The following SLC24A2 variants were observed in gnomAD, a reference collection of about 807,000 sequenced individuals.
The protein encoded by SLC24A2 is sodium/potassium/calcium exchanger 2.
Under a neutral mutation model 62.0 loss-of-function variants are expected in SLC24A2, and 36 were observed. That is an observed-to-expected ratio of 0.58 (90% CI 0.44 to 0.77). SLC24A2 has a LOEUF of 0.77. Ranked by LOEUF, SLC24A2 falls within the 30% of genes least tolerant of loss-of-function variation. The pLI is 0.00. For synonymous variants in SLC24A2, 358 were observed against 294.0 expected (o/e 1.22, Z -2.23); for missense variants, 846 against 817.9 (o/e 1.03, Z -0.42).
At chr9:20,003,280 C>G in the SLC24A2 span, among the ~76,000 whole-genome samples, 2 of 152,188 alleles carry the variant, frequency 1.3e-5, no homozygotes, top group African/African-American at 2.4e-5. Flanking sequence ...TCTAATCCAG[C>G]AATTAGCCAC....
At chr9:19,526,094 G>A in intron 9 of SLC24A2, among the ~76,000 whole-genome samples, 1 of 152,034 alleles carries the variant, frequency 6.6e-6, no homozygotes, top group East Asian at 1.9e-4. Context: ...TCATATAAAT[G>A]AAATCATATG....
At chr9:19,676,214 C>T (rs1393357090) in intron 2 of SLC24A2, among the ~76,000 whole-genome samples, 2 of 152,192 alleles carry the variant, frequency 1.3e-5, no homozygotes, top group Non-Finnish European at 2.9e-5. Flanking sequence ...CAGGCACTCA[C>T]AGTTTTTTGG....
chr9:20,005,066 G>C, the SLC24A2 span, among the ~76,000 whole-genome samples: 1 of 152,104 alleles, frequency 6.6e-6, no homozygotes, highest in Non-Finnish European at 1.5e-5. Context: ...GTTATGCTAT[G>C]TCCAAATATG....
the SLC24A2 span, among the ~76,000 whole-genome samples, chr9:19,986,331 T>C: frequency 1.3e-5 from 2 of 152,114 alleles, no homozygotes; most frequent in Admixed American, 6.5e-5. Context: ...GGGAATAATG[T>C]ACAAACCAAT....
chr9:20,096,025 T>C, the SLC24A2 span, among the ~76,000 whole-genome samples: 172 of 152,226 alleles, frequency 1.1e-3, no homozygotes, highest in African/African-American at 3.6e-3. Flanking sequence ...GGAGCTACAA[T>C]TGAAGATGAG....
chr9:19,616,358 A>T (rs1379010962), intron 4 of SLC24A2, among the ~76,000 whole-genome samples: 1 of 152,130 alleles, frequency 6.6e-6, no homozygotes, highest in East Asian at 1.9e-4. Flanking sequence ...TATTTTCCTG[A>T]TTTTACAGAT....
chr9:19,716,491 T>C lies in SLC24A2; in HGVS notation c.930+69446A>G, dbSNP rs1820864111. ...ATGTATGAAGGCTTTCAGTAAATTT[T>C]GTTTGCAGTGACATTCTCCTGTGAT... On this transcript the variant is annotated intron_variant, in intron 2 of 10. Coordinates refer to ENST00000341998, the MANE Select transcript of SLC24A2 (RefSeq NM_020344.4). Among the ~76,000 whole-genome samples the C allele has an allele frequency of 4.6e-5, 7 of 152,348 alleles. 1 individual carries two copies. In the South Asian group the frequency reaches 1.4e-3, roughly 32 times the overall value.
At chr9:19,581,923 C>A (rs557594820) in intron 5 of SLC24A2, among the ~76,000 whole-genome samples, 1 of 152,246 alleles carries the variant, frequency 6.6e-6, no homozygotes, top group South Asian at 2.1e-4. Context: ...CTCTTGTGGT[C>A]TAAACCCTTA....
chr9:19,941,384 G>A, the SLC24A2 span, among the ~76,000 whole-genome samples: 46,578 of 151,924 alleles, frequency 0.31, 7,741 homozygotes, highest in South Asian at 0.44. Flanking sequence ...CCCTTTATGG[G>A]GTTCCATTTT....
the SLC24A2 span, among the ~76,000 whole-genome samples, chr9:20,120,662 T>C: frequency 3.2e-4 from 48 of 152,218 alleles, no homozygotes; most frequent in African/African-American, 1.1e-3. Context: ...CATTTACCCA[T>C]GTAACAAATC....
the SLC24A2 span, among the ~76,000 whole-genome samples, chr9:19,804,461 G>T: frequency 7.2e-5 from 11 of 151,952 alleles, no homozygotes; most frequent in East Asian, 1.9e-3. Context: ...ATTTTCCATT[G>T]CTAGTATATA....
chr9:20,205,374 C>T, the SLC24A2 span, among the ~76,000 whole-genome samples: 2,615 of 151,930 alleles, frequency 0.017, 78 homozygotes, highest in African/African-American at 0.053. Context: ...TTAGGCCGGG[C>T]GCAATGGTTT....
rs1822503477 is a variant in SLC24A2 at position 19,765,985 on chromosome 9, T to C, written c.930+19952A>G. ...ATAGTCCCATATTTCTTGGAGGCTT[T>C]GTTCATTCCTTTTCATTCTTTTTTC... On this transcript the variant is annotated intron_variant, in intron 2 of 10. Coordinates refer to ENST00000341998, the MANE Select transcript of SLC24A2 (RefSeq NM_020344.4). Among the ~76,000 whole-genome samples the C allele has an allele frequency of 2.0e-5, 3 of 152,206 alleles. No homozygotes were observed. The South Asian group carries it at 6.2e-4, about 31-fold the overall frequency.
chr9:19,709,672 G>C (rs56328301), intron 2 of SLC24A2, among the ~76,000 whole-genome samples: 3 of 147,894 alleles, frequency 2.0e-5, no homozygotes, highest in Non-Finnish European at 4.5e-5. Flanking sequence ...ACCAAACACC[G>C]CATGTTCTCA....
At chr9:20,173,733 G>T in the SLC24A2 span, among the ~76,000 whole-genome samples, 100 of 151,960 alleles carry the variant, frequency 6.6e-4, no homozygotes, top group Admixed American at 1.9e-3. Context: ...TTCCATGCTC[G>T]TACATAGGTA....
At chr9:19,862,727 T>G in the SLC24A2 span, among the ~76,000 whole-genome samples, 1 of 152,104 alleles carries the variant, frequency 6.6e-6, no homozygotes, top group Non-Finnish European at 1.5e-5. Flanking sequence ...TCATTAGTTT[T>G]TTTTGCTTGT....
At chr9:20,163,335 T>C in the SLC24A2 span, among the ~76,000 whole-genome samples, 1 of 151,894 alleles carries the variant, frequency 6.6e-6, no homozygotes, top group Non-Finnish European at 1.5e-5. Context: ...TATATACCAA[T>C]AACAGACAAA....
At chr9:19,951,320 A>G in the SLC24A2 span, among the ~76,000 whole-genome samples, 2 of 151,438 alleles carry the variant, frequency 1.3e-5, no homozygotes, top group South Asian at 4.2e-4. Flanking sequence ...CATTTTCTTA[A>G]CAGTGTCTTT....
At chr9:20,252,519 A>G in the SLC24A2 span, among the ~76,000 whole-genome samples, 1 of 152,194 alleles carries the variant, frequency 6.6e-6, no homozygotes, top group Non-Finnish European at 1.5e-5. Flanking sequence ...AATGCTCAAC[A>G]GGGATAGAGC....
Sources: allele counts gnomAD v4.1 joint callset (sites outside exome capture counted in the v4.1 genomes callset), GRCh38; gene constraint gnomAD v4.1.1; transcripts MANE v1.5; gene names NCBI Gene and HGNC (gene_info 2026-07-23, HGNC 2026-07-21).